PPP3CA: variants seen among roughly 807,000 people sequenced by gnomAD.
PPP3CA encodes protein phosphatase 3 catalytic subunit alpha.
Under a neutral mutation model 66.5 loss-of-function variants are expected in PPP3CA, and 14 were observed. That is an observed-to-expected ratio of 0.21 (90% confidence interval 0.14 to 0.33). The LOEUF is 0.33. Among genes scored for constraint, PPP3CA ranks in the 10% least tolerant of loss-of-function variants. PPP3CA has a pLI of 1.00. For missense variants in PPP3CA, 317 were observed against 639.5 expected, an observed-to-expected ratio of 0.50 and a Z score of 5.44; for synonymous variants, 232 against 226.2, an observed-to-expected ratio of 1.03 and a Z score of -0.23.
At chr4:101,285,599 A>ATGTG (rs56681112) in intron 1 of PPP3CA, among the ~76,000 whole-genome samples, 2,394 of 124,532 alleles carry the variant, frequency 0.019, 43 homozygotes, top group South Asian at 0.035. Context: ...CACTGTGTGT[A>ATGTG]TGTGTGTGTG....
At chr4:101,035,764 C>A (rs1727214143) in intron 11 of PPP3CA, among the ~76,000 whole-genome samples, 1 of 152,144 alleles carries the variant, frequency 6.6e-6, no homozygotes, top group Non-Finnish European at 1.5e-5. Flanking sequence ...AGGTTTCTAG[C>A]AGCTTCTTCA....
At chr4:101,029,458 A>G (rs752817813) in intron 12 of PPP3CA, among the ~76,000 whole-genome samples, 4 of 151,990 alleles carry the variant, frequency 2.6e-5, no homozygotes, top group Non-Finnish European at 5.9e-5. Flanking sequence ...TTGCCCACTA[A>G]ATAAATAACA....
intron 8 of PPP3CA, among the ~76,000 whole-genome samples, chr4:101,075,466 T>A (rs1729145535): frequency 1.3e-5 from 2 of 152,216 alleles, no homozygotes; most frequent in South Asian, 4.1e-4. Context: ...TTTCTCTACA[T>A]ATGTATCTAA....
intron 2 of PPP3CA, among the ~76,000 whole-genome samples, chr4:101,118,861 G>A (rs1172138548): frequency 6.6e-6 from 1 of 150,998 alleles, no homozygotes; most frequent in Non-Finnish European, 1.5e-5. Flanking sequence ...TTTTACCATC[G>A]TGCTCAGTAA....
intron 1 of PPP3CA, among the ~76,000 whole-genome samples, chr4:101,326,380 C>A (rs932951611): frequency 2.6e-5 from 4 of 152,194 alleles, no homozygotes; most frequent in Non-Finnish European, 5.9e-5. Context: ...AACCTCCTCA[C>A]AGGATTACCT....
intron 10 of PPP3CA, among the ~76,000 whole-genome samples, chr4:101,060,439 T>C (rs1338328879): frequency 6.6e-6 from 1 of 152,126 alleles, no homozygotes; most frequent in Admixed American, 6.6e-5. Flanking sequence ...TCAGTTTCCA[T>C]TCATTTTGAG....
Position 101,278,122 on chromosome 4 carries a change from T to TAAAAAAAAAAAAAAAAAAAAAAA in PPP3CA, c.58+68616_58+68617insTTTTTTTTTTTTTTTTTTTTTTT, listed in dbSNP as rs3077992. Among the ~76,000 whole-genome samples, 60 of 112,128 alleles carry TAAAAAAAAAAAAAAAAAAAAAAA rather than the reference T, an allele frequency of 5.4e-4. 2 individuals are homozygous for TAAAAAAAAAAAAAAAAAAAAAAA. The highest frequency in any genetic ancestry group is 2.3e-3 in the African/African-American group (53 of 22,642). 73.6% of individuals were successfully genotyped at this position (112,128 alleles called of 152,430 possible). On this transcript the variant is annotated intron_variant, in intron 1 of 13. Coordinates refer to ENST00000394854, the MANE Select transcript of PPP3CA (RefSeq NM_000944.5). ...AAAATGAAACTTTAAAAGCTATTAG[T>TAAAAAAAAAAAAAAAAAAAAAAA]AAAAAAAAAAAAAAAAATAAAAAAA...
intron 11 of PPP3CA, among the ~76,000 whole-genome samples, chr4:101,032,632 G>T (rs1390317352): frequency 2.0e-5 from 3 of 151,960 alleles, no homozygotes; most frequent in Non-Finnish European, 4.4e-5. Context: ...GATAGATAAA[G>T]AAAACCATTT....
At chr4:101,157,569 A>C (rs984694087) in intron 2 of PPP3CA, among the ~76,000 whole-genome samples, 8 of 152,188 alleles carry the variant, frequency 5.3e-5, no homozygotes, top group Admixed American at 4.6e-4. Context: ...TCCTAGAGGT[A>C]ACCTAGTACA....
chr4:101,262,741 C>A (rs1026051406), intron 1 of PPP3CA, among the ~76,000 whole-genome samples: 1 of 152,134 alleles, frequency 6.6e-6, no homozygotes, highest in East Asian at 1.9e-4. Context: ...GTATGTGTGC[C>A]TTCTAGGAAT....
intron 1 of PPP3CA, among the ~76,000 whole-genome samples, chr4:101,304,274 G>C (rs995194889): frequency 3.9e-5 from 6 of 151,936 alleles, no homozygotes; most frequent in African/African-American, 1.5e-4. Flanking sequence ...TTTCCTTATA[G>C]TACTATCTTT....
intron 12 of PPP3CA, among the ~76,000 whole-genome samples, 175 bp from the exon 13 acceptor site, chr4:101,029,370 A>AAAAAAAAAAAAAAT (rs1726829783): frequency 9.8e-6 from 1 of 102,186 alleles, no homozygotes; most frequent in African/African-American, 3.3e-5. Flanking sequence ...AAAAAAAAAA[A>AAAAAAAAAAAAAAT]AAGAAAAAAA....
chr4:101,168,510 T>C (rs1723765900), intron 2 of PPP3CA, among the ~76,000 whole-genome samples: 2 of 152,142 alleles, frequency 1.3e-5, no homozygotes, highest in South Asian at 4.2e-4. Flanking sequence ...TGAATGTAGA[T>C]AGAGGAGGGA....
chr4:101,097,567 A>G (rs1159015182), intron 5 of PPP3CA, among the ~76,000 whole-genome samples: 1 of 152,122 alleles, frequency 6.6e-6, no homozygotes. Flanking sequence ...CATTTACATC[A>G]CTTTCTCCCT....
chr4:101,269,553 C>CGTGTGTGT (rs55721209), intron 1 of PPP3CA, among the ~76,000 whole-genome samples: 3,710 of 135,862 alleles, frequency 0.027, 62 homozygotes, highest in Non-Finnish European at 0.032. Flanking sequence ...AAACAAGGAA[C>CGTGTGTGT]GTGTGTGTGT....
At chr4:101,217,955 A>G (rs1725505447) in intron 1 of PPP3CA, among the ~76,000 whole-genome samples, 1 of 152,096 alleles carries the variant, frequency 6.6e-6, no homozygotes, top group Non-Finnish European at 1.5e-5. Flanking sequence ...GCCCCGAGTG[A>G]CGCTCAAGGG....
intron 1 of PPP3CA, among the ~76,000 whole-genome samples, chr4:101,221,257 G>A (rs1725615279): frequency 6.6e-6 from 1 of 151,644 alleles, no homozygotes; most frequent in Non-Finnish European, 1.5e-5. Flanking sequence ...CCACGCTATA[G>A]TGCCTCTTCC....
At chr4:101,208,098 A>G (rs1230071166) in intron 1 of PPP3CA, among the ~76,000 whole-genome samples, 4 of 152,226 alleles carry the variant, frequency 2.6e-5, no homozygotes, top group Non-Finnish European at 5.9e-5. Flanking sequence ...GAAATACACT[A>G]TATTTTATTA....
At chr4:101,283,135 C>T (rs936406457) in intron 1 of PPP3CA, among the ~76,000 whole-genome samples, 27 of 152,148 alleles carry the variant, frequency 1.8e-4, no homozygotes, top group Non-Finnish European at 3.4e-4. Context: ...TTAGTATTAC[C>T]ACTTTACAGG....
Sources: gnomAD v4.1 joint callset for allele counts (sites outside exome capture counted in the v4.1 genomes callset) on GRCh38, gnomAD v4.1.1 for gene constraint, MANE v1.5 for transcripts, NCBI Gene and HGNC (gene_info 2026-07-23, HGNC 2026-07-21) for gene names.